Variants in B3GALNT2 observed in about 807,000 individuals in gnomAD.
B3GALNT2 encodes beta-1,3-N-acetylgalactosaminyltransferase 2, also known as UDP-GalNAc:beta-1,3-N-acetylgalactosaminyltransferase 2.
B3GALNT2 carries 53 observed loss-of-function variants against 61.1 expected under a neutral mutation model. The ratio of observed to expected loss-of-function variants is 0.87; its 90% CI spans 0.70 to 1.09. The LOEUF is 1.09. Ranked by LOEUF, B3GALNT2 falls within the 50% of genes least tolerant of loss-of-function variation. The pLI is 0.00. For missense variants in B3GALNT2, 544 were observed against 623.0 expected (o/e 0.87, Z 1.35); for synonymous variants, 223 against 237.4 (o/e 0.94, Z 0.56).
intron 5 of B3GALNT2, 144 bp from the exon 6 acceptor site, chr1:235,471,104 T>C: frequency 7.0e-7 from 1 of 1,426,536 alleles, no homozygotes; most frequent in Non-Finnish European, 9.2e-7. Flanking sequence ...GACATACCAC[T>C]GTTAGCGTTT....
At chr1:235,466,230 CT>C (rs57389033) in intron 6 of B3GALNT2, among the ~76,000 whole-genome samples, 59,947 of 134,284 alleles carry the variant, frequency 0.45, 12,678 homozygotes, top group Non-Finnish European at 0.5. Context: ...TTTAATTTTT[CT>C]TTTTTTTTTT....
At chr1:235,471,969 TAAA>T (rs58278357) in intron 5 of B3GALNT2, among the ~76,000 whole-genome samples, 1 of 142,326 alleles carries the variant, frequency 7.0e-6, no homozygotes, top group Non-Finnish European at 1.5e-5. Context: ...TGCCTGAATT[TAAA>T]AAAAAAAAAA....
At chr1:235,504,102 C>T (rs1031605683) in intron 1 of B3GALNT2, 39 bp downstream of exon 1, 2 of 1,208,494 alleles carry the variant, frequency 1.7e-6, no homozygotes, top group African/African-American at 3.2e-5. Flanking sequence ...CCTCCCACCC[C>T]CCCGGCGGCC....
At chr1:235,478,244 G>T (rs1684382552) in intron 5 of B3GALNT2, among the ~76,000 whole-genome samples, 1 of 152,050 alleles carries the variant, frequency 6.6e-6, no homozygotes, top group Non-Finnish European at 1.5e-5. Flanking sequence ...GTAGAGACGG[G>T]GTTTTGCCAT....
intron 11 of B3GALNT2, chr1:235,450,760 T>C (rs1192452497): frequency 2.5e-5 from 4 of 157,660 alleles, no homozygotes; most frequent in African/African-American, 9.6e-5. Context: ...CTCACAGTAA[T>C]GCTGTGAGGT....
In B3GALNT2 at chr1:235,448,301, G is replaced by GTAAC. The variant is rs750739617; in HGVS notation, c.*1901_*1904dup. ...CTCATCACATGAGCTAGTTTTACAG[G>GTAAC]TAACTGTCATTTGAGAGAACGAATG... On this transcript the variant is annotated 3_prime_UTR_variant, in exon 12 of 12. Transcript: ENST00000366600. The GTAAC allele has an allele frequency of 3.3e-6, 5 of 1,501,106 alleles. No individual in the cohort carries two copies. The highest frequency in any genetic ancestry group is 2.8e-5 in the African/African-American group (2 of 72,380). 93.0% of individuals were successfully genotyped at this position (1,501,106 alleles called of 1,614,324 possible).
At chr1:235,488,925 T>C (rs898809573) in intron 3 of B3GALNT2, among the ~76,000 whole-genome samples, 12 of 151,950 alleles carry the variant, frequency 7.9e-5, no homozygotes, top group African/African-American at 2.7e-4. Flanking sequence ...TTTCGTGGCA[T>C]GTGCCTGTAG....
At chr1:235,476,864 G>C (rs1684309069) in intron 5 of B3GALNT2, among the ~76,000 whole-genome samples, 1 of 149,314 alleles carries the variant, frequency 6.7e-6, no homozygotes, top group Admixed American at 6.7e-5. Flanking sequence ...AAAAAAAAAA[G>C]ATATAAAAAA....
At chr1:235,487,956 TG>T (rs1684880586) in intron 3 of B3GALNT2, among the ~76,000 whole-genome samples, 1 of 152,002 alleles carries the variant, frequency 6.6e-6, no homozygotes, top group Admixed American at 6.6e-5. Context: ...ACTTGGCTAA[TG>T]TTTTTTTTTT....
At chr1:235,503,592 G>A (rs1016282276) in intron 1 of B3GALNT2, among the ~76,000 whole-genome samples, 2 of 152,198 alleles carry the variant, frequency 1.3e-5, no homozygotes, top group African/African-American at 2.4e-5. Context: ...TTGTTTAACC[G>A]ACTTACATCA....
chr1:235,504,140 C>A lies in B3GALNT2; in HGVS notation c.112+1G>T. ...CAACCCGCCCGGCCCCAGGACCTCA[C>A]CTGCAGGGCCGGCCCCGGAGGCGCA... On this transcript the variant is annotated splice_donor_variant, in intron 1 of 11. Coordinates refer to ENST00000366600, the MANE Select transcript of B3GALNT2 (RefSeq NM_152490.5). LOFTEE classifies it high-confidence loss of function. 1 of 1,267,366 alleles carries A rather than the reference C, an allele frequency of 7.9e-7. No homozygotes were observed. Among genetic ancestry groups the A allele is most frequent in the Non-Finnish European group, 9.9e-7 (1 of 1,010,576 alleles). 78.5% of individuals were successfully genotyped at this position (1,267,366 alleles called of 1,614,324 possible). A position where few individuals can be genotyped will look rare whatever the true frequency, so the allele number is the denominator to read the frequency against.
intron 1 of B3GALNT2, among the ~76,000 whole-genome samples, chr1:235,500,531 C>G (rs775123560): frequency 6.6e-5 from 10 of 152,068 alleles, no homozygotes; most frequent in Non-Finnish European, 1.3e-4. Flanking sequence ...ATTGATTGCT[C>G]AAAATAAGCC....
chr1:235,443,451 C>T (rs1230339352), downstream of B3GALNT2, among the ~76,000 whole-genome samples: 1 of 152,174 alleles, frequency 6.6e-6, no homozygotes, highest in Non-Finnish European at 1.5e-5. Context: ...CATCCTCCTG[C>T]CTCAGCCTCC....
chr1:235,488,015 C>G (rs974274357), intron 3 of B3GALNT2, among the ~76,000 whole-genome samples: 1 of 152,116 alleles, frequency 6.6e-6, no homozygotes, highest in South Asian at 2.1e-4. Flanking sequence ...TGTGCTCCTC[C>G]TCCCACCGTG....
At position 235,474,950 on chromosome 1, in the gene B3GALNT2, CATATATATATATATAT is replaced by C. The variant is rs1159752267; in HGVS notation, c.652-4006_652-3991del. Among the ~76,000 whole-genome samples, 14 of 39,358 alleles carry C rather than the reference CATATATATATATATAT, an allele frequency of 3.6e-4. 1 individual carries two copies. Among genetic ancestry groups the C allele is most frequent in the South Asian group, 1.2e-3 (1 of 806 alleles). The allele number at this position is 39,358 out of a possible 152,430, so 25.8% of individuals were successfully genotyped here. On this transcript the variant is annotated intron_variant, in intron 5 of 11. Transcript: ENST00000366600. The stretch of plus-strand genomic sequence containing the variant: ...ATTAAGGACAACATAAAATTAGAGA[CATATATATATATATAT>C]ATATATATATATATATATATATTTT...
chr1:235,472,664 GAATA>G lies in B3GALNT2; in HGVS notation c.652-1708_652-1705del, dbSNP rs1351292092. 6.6e-5 allele frequency among the ~76,000 whole-genome samples: 10 copies of G among 152,256 alleles called. No homozygotes were observed. The South Asian group carries it at 1.9e-3, about 28-fold the overall frequency. The stretch of plus-strand genomic sequence containing the variant: ...TGACTGACAACTCAAAATGTTTGCT[GAATA>G]AATAATGTTGAACTAAAAATCAACC... On this transcript the variant is annotated intron_variant, in intron 5 of 11. Coordinates refer to ENST00000366600, the MANE Select transcript of B3GALNT2 (RefSeq NM_152490.5).
At chr1:235,467,949 T>C (rs1375844633) in intron 6 of B3GALNT2, among the ~76,000 whole-genome samples, 2 of 151,662 alleles carry the variant, frequency 1.3e-5, no homozygotes, top group Non-Finnish European at 2.9e-5. Flanking sequence ...CTGGCTAATT[T>C]TTATATTTTT....
chr1:235,450,382 T>C (rs754064974), intron 11 of B3GALNT2, 42 bp from the exon 12 acceptor site: 15 of 1,604,412 alleles, frequency 9.3e-6, no homozygotes, highest in Non-Finnish European at 1.3e-5. Flanking sequence ...GTGGTGAAAC[T>C]GTTTTAAGAG....
In B3GALNT2 at chr1:235,494,726, C is replaced by T; in HGVS notation, c.215G>A (p.Ser72Asn). The T allele has an allele frequency of 6.2e-7, 1 of 1,613,270 alleles. No individual in the cohort carries two copies. Among genetic ancestry groups the T allele is most frequent in the Non-Finnish European group, 8.5e-7 (1 of 1,179,304 alleles). Reference protein sequence around the residue: ...NNHELRNVIRSTWMRHLLQHP... With the variant: ...NNHELRNVIRNTWMRHLLQHP... ...CTGTAGCAAATGTCTCATCCAGGTGCTTCTTATCACGTTTCGAAGTTCATG... is the reference window on the plus strand; with the variant it reads ...CTGTAGCAAATGTCTCATCCAGGTGTTTCTTATCACGTTTCGAAGTTCATG... Residue 72 changes from serine to asparagine, a missense_variant, in exon 2 of 12, where the codon AGC becomes AAC. Coordinates refer to ENST00000366600, the MANE Select transcript of B3GALNT2 (RefSeq NM_152490.5).
Sources: gnomAD v4.1 joint callset for allele counts (sites outside exome capture counted in the v4.1 genomes callset) on GRCh38, gnomAD v4.1.1 for gene constraint, MANE v1.5 for transcripts, NCBI Gene and HGNC (gene_info 2026-07-23, HGNC 2026-07-21) for gene names.